SESTD1: variants seen among roughly 807,000 people sequenced by gnomAD.
The protein encoded by SESTD1 is SEC14 and spectrin domain containing 1.
Under a neutral mutation model 101.7 loss-of-function variants are expected in SESTD1, and 43 were observed. The ratio of observed to expected loss-of-function variants is 0.42; its 90% CI spans 0.33 to 0.55. The LOEUF (loss-of-function observed/expected upper bound fraction) is 0.55, where lower values mean the gene tolerates loss of function less well. SESTD1 is among the 20% of genes least tolerant of loss of function. The pLI is 0.07. For missense variants in SESTD1, 647 were observed against 815.1 expected (o/e 0.79, Z 2.51); for synonymous variants, 283 against 286.8 (o/e 0.99, Z 0.13).
rs115466478 is a variant in SESTD1 at position 179,134,524 on chromosome 2, C to T, written c.850-2098G>A. ...TATCAATACTTCAATTCTCTATTGTCGGGAACATAGGATGTTTCCAATTTC... is the reference window on the plus strand; with the variant it reads ...TATCAATACTTCAATTCTCTATTGTTGGGAACATAGGATGTTTCCAATTTC... On this transcript the variant is annotated intron_variant, in intron 9 of 17. Coordinates refer to ENST00000428443, the MANE Select transcript of SESTD1 (RefSeq NM_178123.5). Among the ~76,000 whole-genome samples, 1,275 of 152,244 alleles carry T rather than the reference C, an allele frequency of 8.4e-3. 13 individuals carry two copies. Among genetic ancestry groups the T allele is most frequent in the African/African-American group, 0.027 (1,119 of 41,542 alleles).
chr2:179,196,947 A>G (rs1358559943), intron 1 of SESTD1, among the ~76,000 whole-genome samples: 3 of 152,234 alleles, frequency 2.0e-5, no homozygotes, highest in Non-Finnish European at 2.9e-5. Context: ...AACGGAACAA[A>G]GCTGGACGGA....
intron 1 of SESTD1, among the ~76,000 whole-genome samples, chr2:179,239,259 T>A (rs1334549452): frequency 6.6e-6 from 1 of 152,162 alleles, no homozygotes; most frequent in Non-Finnish European, 1.5e-5. Flanking sequence ...TTTGAGAGAA[T>A]AATCCTGAAT....
At chr2:179,262,809 A>G (rs2047501824) in intron 1 of SESTD1, among the ~76,000 whole-genome samples, 1 of 152,176 alleles carries the variant, frequency 6.6e-6, no homozygotes. Flanking sequence ...TCATTAGTAG[A>G]TTACCTGTTT....
intron 1 of SESTD1, among the ~76,000 whole-genome samples, chr2:179,230,113 CTTTTTTTTTTTTTTTTTTTTTTT>C (rs71023474): frequency 1.2e-4 from 7 of 56,404 alleles, no homozygotes; most frequent in Admixed American, 2.9e-4. Flanking sequence ...GATTGTATCT[CTTTTTTTTTTTTTTTTTTTTTTT>C]TTTTTTTTTT....
chr2:179,157,969 A>T (rs955302881), intron 5 of SESTD1, among the ~76,000 whole-genome samples: 1 of 152,136 alleles, frequency 6.6e-6, no homozygotes, highest in Non-Finnish European at 1.5e-5. Flanking sequence ...TGCTTTTGTC[A>T]TAACAGCATA....
chr2:179,144,223 T>A lies in SESTD1; in HGVS notation c.638-420A>T, dbSNP rs1183024400. Among the ~76,000 whole-genome samples, 3 of 152,202 alleles carry A rather than the reference T, an allele frequency of 2.0e-5. No individual in the cohort carries two copies. In the East Asian group the frequency reaches 5.8e-4, roughly 29 times the overall value. On this transcript the variant is annotated intron_variant, in intron 8 of 17. Transcript: ENST00000428443. Reference sequence around the variant, plus strand: ...GTAGAGCAAAATTATACTGTGGGATTTCTGTCTGATGGTACTAATCCAAGT... The same window carrying A: ...GTAGAGCAAAATTATACTGTGGGATATCTGTCTGATGGTACTAATCCAAGT...
At chr2:179,181,991 T>TAA (rs35017699) in intron 3 of SESTD1, among the ~76,000 whole-genome samples, 2 of 139,616 alleles carry the variant, frequency 1.4e-5, no homozygotes, top group Admixed American at 7.1e-5. Flanking sequence ...TCCACAATAT[T>TAA]AAAAAAAAAA....
intron 1 of SESTD1, among the ~76,000 whole-genome samples, chr2:179,262,241 G>A (rs1433553810): frequency 1.3e-5 from 2 of 152,090 alleles, no homozygotes; most frequent in African/African-American, 4.8e-5. Context: ...CAGGTACAAG[G>A]TTCTTTTTAG....
At chr2:179,183,868 G>A (rs1207043771) in intron 2 of SESTD1, among the ~76,000 whole-genome samples, 1 of 147,278 alleles carries the variant, frequency 6.8e-6, no homozygotes, top group Admixed American at 6.8e-5. Flanking sequence ...AAGAGAGACA[G>A]AGAGGAAGGA....
chr2:179,128,459 A>T (rs769300368), intron 10 of SESTD1, among the ~76,000 whole-genome samples: 4 of 152,128 alleles, frequency 2.6e-5, no homozygotes, highest in Non-Finnish European at 5.9e-5. Context: ...GGCCGGGCAC[A>T]GTGGCTCATG....
intron 13 of SESTD1, among the ~76,000 whole-genome samples, chr2:179,120,885 T>A (rs1258551253): frequency 6.6e-6 from 1 of 152,190 alleles, no homozygotes; most frequent in East Asian, 1.9e-4. Context: ...ATTATTATTT[T>A]TAAAACAGGA....
At chr2:179,160,801 T>A (rs532347952) in intron 5 of SESTD1, among the ~76,000 whole-genome samples, 16 of 147,702 alleles carry the variant, frequency 1.1e-4, no homozygotes, top group African/African-American at 4.3e-4. Flanking sequence ...TCCATATCAT[T>A]CTACTTTTTT....
rs190010182 is a variant in SESTD1, at chr2:179,181,117, T to C, written c.164+1963A>G. On this transcript the variant is annotated intron_variant, in intron 3 of 17. Transcript: ENST00000428443. ...CATCATTTACACTGGAGGAACATCA[T>C]ATGCACATTTACATGAGAAAGAGAA... Among the ~76,000 whole-genome samples, 548 of 152,310 alleles carry C rather than the reference T, an allele frequency of 3.6e-3. 2 individuals are homozygous for C. Among genetic ancestry groups the C allele is most frequent in the Non-Finnish European group, 5.6e-3 (381 of 68,020 alleles).
chr2:179,161,077 T>C (rs1404223932), intron 5 of SESTD1, among the ~76,000 whole-genome samples: 1 of 49,534 alleles, frequency 2.0e-5, no homozygotes, highest in Admixed American at 1.5e-4. Flanking sequence ...ATACCTAGCT[T>C]TTTTTTTTTT....
At chr2:179,126,467 T>C (rs1029461442) in intron 10 of SESTD1, among the ~76,000 whole-genome samples, 2 of 152,174 alleles carry the variant, frequency 1.3e-5, no homozygotes, top group African/African-American at 2.4e-5. Flanking sequence ...AAAGTTTAGG[T>C]TGACCCAAGG....
chr2:179,237,463 T>C (rs143221994), intron 1 of SESTD1, among the ~76,000 whole-genome samples: 40 of 152,292 alleles, frequency 2.6e-4, no homozygotes, highest in Middle Eastern at 3.4e-3. Flanking sequence ...ATTTAGCATC[T>C]ATTAAAAACA....
At chr2:179,177,956 C>T (rs1217327117) in intron 3 of SESTD1, among the ~76,000 whole-genome samples, 3 of 152,166 alleles carry the variant, frequency 2.0e-5, no homozygotes, top group Non-Finnish European at 4.4e-5. Flanking sequence ...CAAAAGGACA[C>T]ACACTGAATG....
chr2:179,171,840 T>TA (rs889756341), intron 5 of SESTD1, among the ~76,000 whole-genome samples: 1 of 152,046 alleles, frequency 6.6e-6, no homozygotes, highest in African/African-American at 2.4e-5. Context: ...CATAATGCAA[T>TA]AAAAAAATTT....
At chr2:179,124,300 A>C in intron 11 of SESTD1, 64 bp downstream of exon 11, 1 of 1,480,482 alleles carries the variant, frequency 6.8e-7, no homozygotes, top group Non-Finnish European at 9.1e-7. Context: ...ACCTGAAAAA[A>C]ATTACGTGTA....
Sources: gnomAD v4.1 joint callset for allele counts (sites outside exome capture counted in the v4.1 genomes callset) on GRCh38, gnomAD v4.1.1 for gene constraint, MANE v1.5 for transcripts, NCBI Gene and HGNC (gene_info 2026-07-23, HGNC 2026-07-21) for gene names.